ANKMY1: variants seen among roughly 807,000 people sequenced by gnomAD.
ANKMY1 encodes the protein ankyrin repeat and MYND domain containing 1, also known as ankyrin repeat and MYND domain-containing protein 1.
Under a neutral mutation model 102.0 loss-of-function variants are expected in ANKMY1, and 98 were observed. The observed-to-expected ratio is 0.96, with a 90% CI of 0.82 to 1.14. The LOEUF (loss-of-function observed/expected upper bound fraction) is 1.14. ANKMY1 is among the 50% of genes most tolerant of loss of function. The pLI is 0.00. For missense variants in ANKMY1, 1,330 were observed against 1,347.6 expected, an observed-to-expected ratio of 0.99 and a Z score of 0.20; for synonymous variants, 582 against 559.9, an observed-to-expected ratio of 1.04 and a Z score of -0.56.
intron 15 of ANKMY1, among the ~76,000 whole-genome samples, chr2:240,490,091 A>G (rs1380436965): frequency 2.0e-5 from 3 of 152,156 alleles, no homozygotes; most frequent in Non-Finnish European, 4.4e-5. Flanking sequence ...CAGTTGTAAT[A>G]TCTCCTTTTC....
intron 13 of ANKMY1, 136 bp from the exon 14 acceptor site, chr2:240,500,701 G>A (rs2078033525): frequency 3.0e-6 from 2 of 665,892 alleles, no homozygotes; most frequent in East Asian, 2.8e-5. Flanking sequence ...GAATGCCCAT[G>A]AGACAAACGG....
chr2:240,488,009 T>C (rs143120978), intron 15 of ANKMY1, among the ~76,000 whole-genome samples: 66 of 152,370 alleles, frequency 4.3e-4, no homozygotes, highest in African/African-American at 1.6e-3. Context: ...TTTGGTTTTG[T>C]TGCCTGTGTA....
intron 4 of ANKMY1, among the ~76,000 whole-genome samples, chr2:240,550,376 G>A (rs535510938): frequency 4.4e-5 from 5 of 113,650 alleles, no homozygotes; most frequent in African/African-American, 1.3e-4. Flanking sequence ...GGTGGGGGGA[G>A]GGGGGAGGGA....
At chr2:240,514,478 G>A (rs1181961663) in intron 9 of ANKMY1, among the ~76,000 whole-genome samples, 2 of 152,212 alleles carry the variant, frequency 1.3e-5, no homozygotes, top group East Asian at 3.9e-4. Context: ...CAGAAGGACA[G>A]AAGACAGTGA....
At chr2:240,525,588 T>A in intron 7 of ANKMY1, 97 bp downstream of exon 7, 1 of 1,427,012 alleles carries the variant, frequency 7.0e-7, no homozygotes, top group Non-Finnish European at 9.5e-7. Flanking sequence ...TGTACAAGCC[T>A]GGTCCACACA....
At chr2:240,512,773 T>C in intron 10 of ANKMY1, 29 bp downstream of exon 10, 1 of 1,596,636 alleles carries the variant, frequency 6.3e-7, no homozygotes, top group Non-Finnish European at 8.5e-7. Context: ...CAAGGCCCCA[T>C]ACCCCTATCC....
upstream of ANKMY1, chr2:240,559,953 A>G (rs930378807): frequency 6.6e-6 from 1 of 152,386 alleles, no homozygotes; most frequent in Non-Finnish European, 1.5e-5. Flanking sequence ...AAATTGAAGG[A>G]GTCTTAAATG....
intron 13 of ANKMY1, among the ~76,000 whole-genome samples, chr2:240,501,690 C>T (rs1474258080): frequency 3.3e-5 from 5 of 152,228 alleles, no homozygotes; most frequent in Admixed American, 1.3e-4. Flanking sequence ...ATGAGCACAA[C>T]GCCTCGGGCA....
rs1274740627 is a variant in ANKMY1 at position 240,511,891 on chromosome 2, G to A, written c.2256C>T (p.His752=). ...LPEEGGRTAL[H]MACEREDDNK... is the part of the protein sequence containing the mutation. ...TGTCATCCTCCCGCTCGCAGGCCATGTGCAGAGCCGTCCTGCCCCCCTCCT... is the reference window on the plus strand; with the variant it reads ...TGTCATCCTCCCGCTCGCAGGCCATATGCAGAGCCGTCCTGCCCCCCTCCT... The change falls in exon 11 of 18, where the codon CAC becomes CAT. Residue 752 remains histidine, a synonymous_variant. Transcript: ENST00000401804. The A allele has an allele frequency of 3.8e-6, 6 of 1,592,464 alleles. No individual in the cohort carries two copies. The Admixed American group carries it at 8.5e-5, about 23-fold the overall frequency.
intron 9 of ANKMY1, among the ~76,000 whole-genome samples, chr2:240,514,545 G>A (rs1036267146): frequency 2.0e-5 from 3 of 152,186 alleles, no homozygotes; most frequent in African/African-American, 7.2e-5. Context: ...TCTGTATCTA[G>A]CTAATCTATT....
At chr2:240,544,675 G>A in intron 4 of ANKMY1, among the ~76,000 whole-genome samples, 1 of 151,948 alleles carries the variant, frequency 6.6e-6, no homozygotes, top group Non-Finnish European at 1.5e-5. Context: ...CCGAAGCCGG[G>A]CGAGGCATTG....
intron 4 of ANKMY1, among the ~76,000 whole-genome samples, chr2:240,547,202 A>C (rs2090563898): frequency 6.6e-6 from 1 of 152,258 alleles, no homozygotes; most frequent in East Asian, 1.9e-4. Context: ...CTCAGTATTA[A>C]GAATCTCACT....
intron 13 of ANKMY1, among the ~76,000 whole-genome samples, chr2:240,502,418 C>T (rs1175012116): frequency 6.6e-6 from 1 of 152,058 alleles, no homozygotes. Context: ...TTCCTGGGAA[C>T]CTCTGCATCC....
the ANKMY1 span, among the ~76,000 whole-genome samples, chr2:240,473,410 AGACTC>A: frequency 6.6e-6 from 1 of 151,694 alleles, no homozygotes; most frequent in Admixed American, 6.6e-5. Flanking sequence ...GAGCTTCAAC[AGACTC>A]GATCATACAG....
intron 8 of ANKMY1, among the ~76,000 whole-genome samples, chr2:240,521,491 CTTTTTTTT>C (rs1162330484): frequency 1.0e-4 from 7 of 69,592 alleles, no homozygotes; most frequent in Non-Finnish European, 1.6e-4. Flanking sequence ...GGTGTTACAG[CTTTTTTTT>C]TTTTTTTTTT....
intron 10 of ANKMY1, among the ~76,000 whole-genome samples, chr2:240,512,414 G>A (rs756290481): frequency 1.3e-5 from 2 of 152,264 alleles, no homozygotes; most frequent in African/African-American, 2.4e-5. Context: ...AGCTTGGCAG[G>A]GCCTGGTGGG....
In ANKMY1 at chr2:240,527,134, G is replaced by A. The variant is rs532605474; in HGVS notation, c.954-689C>T. On this transcript the variant is annotated intron_variant, in intron 5 of 17. Transcript: ENST00000401804. ...TGGGTGGGAAGATGGATGGATGGGT[G>A]GGTGGATGAATAGATGGATAAGTGG... The A allele has an allele frequency of 4.5e-5, 18 of 397,930 alleles. No individual in the cohort carries two copies. The South Asian group carries it at 1.7e-3, about 37-fold the overall frequency. 24.6% of individuals were successfully genotyped at this position (397,930 alleles called of 1,614,324 possible).
At position 240,529,395 on chromosome 2, in the gene ANKMY1, G is replaced by A. The variant is rs1012479561; in HGVS notation, c.595C>T (p.Pro199Ser). 1 of 1,614,150 alleles carries A rather than the reference G, an allele frequency of 6.2e-7. No homozygotes were observed. The highest frequency in any genetic ancestry group is 8.5e-7 in the Non-Finnish European group (1 of 1,180,032). The change falls in exon 5 of 18, where the codon CCC (proline) becomes TCC (serine). Residue 199 changes from proline to serine, a missense_variant. Pro to Ser is a moderately conservative substitution (Grantham distance 74, BLOSUM62 -1). Transcript: ENST00000401804. This position sits in a 1 kb window ranked among gnomAD's most constrained non-coding sequence, Gnocchi z 4.2. ...EQLIKLCTQI[P>S]SGFSLLRYPE... ...TATCTGAGGAGGGAGAAGCCACTGG[G>A]GATCTGGGTGCACAGCTTGATGAGC...
chr2:240,520,059 C>T lies in ANKMY1; in HGVS notation c.2004+303G>A. On this transcript the variant is annotated intron_variant, in intron 9 of 17. Transcript: ENST00000401804. This position sits in a 1 kb window ranked among gnomAD's most constrained non-coding sequence, Gnocchi z 4.8. ...CCCGCCTCCTCCTGAATATAAGTCT[C>T]CCCTTTCCAAGGGGCCTTCAGGATG... 1.7e-6 allele frequency: 1 copy of T among 583,830 alleles called. No homozygotes were observed. 36.2% of individuals were successfully genotyped at this position (583,830 alleles called of 1,614,324 possible). A position where few individuals can be genotyped will look rare whatever the true frequency, so the allele number is the denominator to read the frequency against.
Sources: allele counts gnomAD v4.1 joint callset (sites outside exome capture counted in the v4.1 genomes callset), GRCh38; gene constraint gnomAD v4.1.1; non-coding constraint Gnocchi (gnomAD v3.1); transcripts MANE v1.5; gene names NCBI Gene and HGNC (gene_info 2026-07-23, HGNC 2026-07-21).